The following CNTN4 variants were observed in gnomAD, a reference collection of about 807,000 sequenced individuals.
CNTN4 encodes contactin-4.
A neutral mutation model predicts 122.5 loss-of-function variants in CNTN4; 77 were observed. The observed-to-expected ratio is 0.63, with a 90% CI of 0.52 to 0.76. The LOEUF (loss-of-function observed/expected upper bound fraction) is 0.76, where lower values mean the gene tolerates loss of function less well. CNTN4 is among the 30% of genes least tolerant of loss of function. CNTN4 has a pLI of 0.00. For missense variants in CNTN4, 1,256 were observed against 1,259.1 expected, an observed-to-expected ratio of 1.00 and a Z score of 0.04; for synonymous variants, 512 against 447.0, an observed-to-expected ratio of 1.15 and a Z score of -1.83.
intron 4 of CNTN4, among the ~76,000 whole-genome samples, chr3:2,599,814 A>C (rs2080943473): frequency 6.6e-6 from 1 of 152,032 alleles, no homozygotes; most frequent in African/African-American, 2.4e-5. Flanking sequence ...TCCTGAGGGA[A>C]TTAGATGGAG....
intron 13 of CNTN4, among the ~76,000 whole-genome samples, chr3:2,937,730 G>C (rs1211716351): frequency 6.6e-6 from 1 of 152,172 alleles, no homozygotes; most frequent in Non-Finnish European, 1.5e-5. Context: ...ATCCACAGCA[G>C]TGCTTAGGGA....
Position 2,429,990 on chromosome 3 carries a change from G to C in CNTN4, c.-89+90757G>C, listed in dbSNP as rs552013925. The stretch of plus-strand genomic sequence containing the variant: ...GTCACGGCTTCCCTTGGTGAGGAAA[G>C]GGAATTCCCGGACCCCTTGCGCTTC... On this transcript the variant is annotated intron_variant, in intron 3 of 24. Transcript: ENST00000418658. Among the ~76,000 whole-genome samples the C allele has an allele frequency of 3.8e-4, 58 of 152,308 alleles. 1 individual carries two copies. Among genetic ancestry groups the C allele is most frequent in the African/African-American group, 1.2e-3 (51 of 41,582 alleles).
At chr3:2,268,827 G>C (rs1000900866) in intron 2 of CNTN4, among the ~76,000 whole-genome samples, 1 of 152,134 alleles carries the variant, frequency 6.6e-6, no homozygotes, top group Non-Finnish European at 1.5e-5. Context: ...AGATATATGA[G>C]AGTGGAATCC....
At position 3,043,113 on chromosome 3, in the gene CNTN4, C is replaced by G; in HGVS notation, c.2648C>G (p.Ala883Gly). The change falls in exon 22 of 25, where the codon GCT becomes GGT. Residue 883 changes from alanine to glycine, a missense_variant. Physicochemically the swap from Ala to Gly is moderately conservative, Grantham distance 60 (BLOSUM62 0). Transcript: ENST00000418658. The part of the protein sequence containing the change: ...YHLAVKAYNS[A>G]GTGPSSATVN... ...TTAGCTGTCAAGGCATATAATTCTGCTGGGACAGGCCCCTCTAGTGCAACA... is the reference window on the plus strand; with the variant it reads ...TTAGCTGTCAAGGCATATAATTCTGGTGGGACAGGCCCCTCTAGTGCAACA... 1 of 1,614,212 alleles carries G rather than the reference C, an allele frequency of 6.2e-7. No homozygotes were observed. The highest frequency in any genetic ancestry group is 8.5e-7 in the Non-Finnish European group (1 of 1,180,032).
intron 9 of CNTN4, among the ~76,000 whole-genome samples, chr3:2,886,010 C>T (rs762334358): frequency 7.2e-5 from 11 of 152,124 alleles, no homozygotes; most frequent in Non-Finnish European, 1.3e-4. Flanking sequence ...AGTTTCTTAA[C>T]ACCTGAGCTT....
chr3:2,688,261 T>C (rs1451065790), intron 4 of CNTN4, among the ~76,000 whole-genome samples: 2 of 152,150 alleles, frequency 1.3e-5, no homozygotes, highest in Non-Finnish European at 2.9e-5. Flanking sequence ...AGTATTTTCC[T>C]TTGGACCACA....
At chr3:2,120,351 T>TTATATATATATATATATATAAATA (rs1559260478) in intron 2 of CNTN4, among the ~76,000 whole-genome samples, 78 of 45,928 alleles carry the variant, frequency 1.7e-3, no homozygotes, top group Non-Finnish European at 2.2e-3. Flanking sequence ...GGCATTTAGG[T>TTATATATATATATATATATAAATA]TATATATATA....
chr3:2,754,949 A>G (rs903443603), intron 6 of CNTN4, among the ~76,000 whole-genome samples: 1 of 152,058 alleles, frequency 6.6e-6, no homozygotes, highest in Non-Finnish European at 1.5e-5. Flanking sequence ...GCGAGCCTTA[A>G]TCTGAGTTCT....
intron 3 of CNTN4, among the ~76,000 whole-genome samples, chr3:2,357,646 A>C (rs150011690): frequency 6.6e-6 from 1 of 152,334 alleles, no homozygotes; most frequent in East Asian, 1.9e-4. Flanking sequence ...CAACAAGATG[A>C]GTAACTTGGG....
chr3:3,041,193 C>A (rs1331549036), intron 20 of CNTN4: 9 of 152,146 alleles, frequency 5.9e-5, no homozygotes. Context: ...AGTGAAGATG[C>A]AATAACTTAT....
chr3:2,835,047 G>A (rs748230123), intron 7 of CNTN4, among the ~76,000 whole-genome samples: 16 of 151,762 alleles, frequency 1.1e-4, no homozygotes, highest in East Asian at 9.7e-4. Context: ...TGGGACTACA[G>A]GCGCCCGCCA....
At chr3:2,718,918 A>G (rs564321652) in intron 4 of CNTN4, among the ~76,000 whole-genome samples, 26 of 152,294 alleles carry the variant, frequency 1.7e-4, no homozygotes, top group African/African-American at 6.0e-4. Flanking sequence ...AAATCCATAG[A>G]TTATCTTCAG....
At chr3:2,772,175 G>A (rs1404566201) in intron 6 of CNTN4, among the ~76,000 whole-genome samples, 1 of 152,038 alleles carries the variant, frequency 6.6e-6, no homozygotes, top group Non-Finnish European at 1.5e-5. Flanking sequence ...GGTATAACCA[G>A]GTTTGCATTT....
chr3:2,898,774 C>T (rs892832327), intron 10 of CNTN4, among the ~76,000 whole-genome samples: 2 of 152,050 alleles, frequency 1.3e-5, no homozygotes, highest in African/African-American at 4.8e-5. Context: ...GTTAATATTC[C>T]TCACATACTT....
intron 6 of CNTN4, among the ~76,000 whole-genome samples, chr3:2,787,186 G>A (rs2091862094): frequency 6.6e-6 from 1 of 152,088 alleles, no homozygotes; most frequent in South Asian, 2.1e-4. Context: ...AGACCAGCCT[G>A]GCCAATATGG....
intron 2 of CNTN4, among the ~76,000 whole-genome samples, chr3:2,215,983 C>T (rs2038822812): frequency 1.3e-5 from 2 of 151,020 alleles, no homozygotes; most frequent in Admixed American, 1.3e-4. Flanking sequence ...TATGGCAATT[C>T]CTCAAAGAAC....
chr3:2,233,540 A>T (rs571794066), intron 2 of CNTN4, among the ~76,000 whole-genome samples: 2 of 152,290 alleles, frequency 1.3e-5, no homozygotes, highest in East Asian at 3.9e-4. Context: ...AATAGTATTT[A>T]TGTAAGGATT....
chr3:2,468,896 C>G (rs924365970), intron 3 of CNTN4, among the ~76,000 whole-genome samples: 1 of 152,046 alleles, frequency 6.6e-6, no homozygotes, highest in African/African-American at 2.4e-5. Context: ...GAAAGTTTTC[C>G]CAGAAATCCT....
At chr3:2,161,319 G>T (rs574943565) in intron 2 of CNTN4, among the ~76,000 whole-genome samples, 14 of 152,188 alleles carry the variant, frequency 9.2e-5, no homozygotes, top group African/African-American at 3.1e-4. Context: ...GAATGTTATT[G>T]AAAGGTTATA....
Sources: allele counts gnomAD v4.1 joint callset (sites outside exome capture counted in the v4.1 genomes callset), GRCh38; gene constraint gnomAD v4.1.1; transcripts MANE v1.5; gene names NCBI Gene and HGNC (gene_info 2026-07-23, HGNC 2026-07-21).